The following SCRG1 variants were observed in gnomAD, a reference collection of about 807,000 sequenced individuals.
The protein encoded by SCRG1 is scrapie-responsive protein 1.
In SCRG1, 3 loss-of-function variants were observed where a neutral mutation model predicts 7.7. The observed-to-expected ratio is 0.39, with a 90% CI of 0.18 to 1.01. The LOEUF (loss-of-function observed/expected upper bound fraction) is 1.01. Ranked by LOEUF, SCRG1 falls within the 50% of genes least tolerant of loss-of-function variation. SCRG1 has a pLI of 0.36. For synonymous variants in SCRG1, 46 were observed against 41.2 expected (o/e 1.12, Z -0.44); for missense variants, 110 against 117.2 (o/e 0.94, Z 0.28).
chr4:173,444,295 C>G, the SCRG1 span, among the ~76,000 whole-genome samples: 1 of 152,080 alleles, frequency 6.6e-6, no homozygotes, highest in Non-Finnish European at 1.5e-5. Flanking sequence ...TTTTTTAGAA[C>G]CACTCTATCT....
chr4:173,452,825 A>G, the SCRG1 span, among the ~76,000 whole-genome samples: 1 of 152,206 alleles, frequency 6.6e-6, no homozygotes, highest in Admixed American at 6.5e-5. Context: ...CTTCTTGTGT[A>G]CTTAGAATAT....
At chr4:173,407,420 A>G (rs1739938289), upstream of SCRG1, among the ~76,000 whole-genome samples, 1 of 151,878 alleles carries the variant, frequency 6.6e-6, no homozygotes, top group Non-Finnish European at 1.5e-5. Context: ...CTGTAGTCCC[A>G]GCTACTGGAG....
the SCRG1 span, among the ~76,000 whole-genome samples, chr4:173,436,610 G>A: frequency 5.9e-5 from 9 of 152,042 alleles, no homozygotes; most frequent in African/African-American, 1.5e-4. Flanking sequence ...TTCTCTATGG[G>A]TTCTTTTTTT....
chr4:173,501,272 C>T, the SCRG1 span, among the ~76,000 whole-genome samples: 2 of 152,200 alleles, frequency 1.3e-5, no homozygotes, highest in Non-Finnish European at 2.9e-5. This position sits in a 1 kb window ranked among gnomAD's most constrained non-coding sequence, Gnocchi z 5.1. Flanking sequence ...ACAGTAACAA[C>T]CGTGGCCGAT....
the SCRG1 span, among the ~76,000 whole-genome samples, chr4:173,472,470 C>G: frequency 3.3e-5 from 5 of 152,184 alleles, no homozygotes; most frequent in Non-Finnish European, 5.9e-5. Context: ...GTCCCCAGAT[C>G]TGCAGTCAGA....
chr4:173,473,369 C>A, the SCRG1 span, among the ~76,000 whole-genome samples: 2 of 151,858 alleles, frequency 1.3e-5, no homozygotes, highest in African/African-American at 4.8e-5. Flanking sequence ...TTTTCTCAAT[C>A]TACGAATAGC....
the SCRG1 span, among the ~76,000 whole-genome samples, chr4:173,437,951 A>G: frequency 6.6e-6 from 1 of 152,216 alleles, no homozygotes; most frequent in Non-Finnish European, 1.5e-5. Context: ...AAGGCCTGCT[A>G]TACCACATCA....
At chr4:173,479,431 GTTTGTTTT>G in the SCRG1 span, among the ~76,000 whole-genome samples, 17 of 130,048 alleles carry the variant, frequency 1.3e-4, no homozygotes, top group African/African-American at 3.0e-4. Context: ...TTTTTTGTTT[GTTTGTTTT>G]TTTGTTTTTT....
At chr4:173,513,311 T>A in the SCRG1 span, among the ~76,000 whole-genome samples, 4,266 of 152,254 alleles carry the variant, frequency 0.028, 189 homozygotes, top group African/African-American at 0.09. Flanking sequence ...TTATTCCACA[T>A]TTGTCCCTAT....
At chr4:173,441,459 C>G in the SCRG1 span, among the ~76,000 whole-genome samples, 2 of 152,076 alleles carry the variant, frequency 1.3e-5, no homozygotes, top group East Asian at 3.9e-4. Flanking sequence ...GTAATCCCAC[C>G]CCCTCTGTCC....
the SCRG1 span, among the ~76,000 whole-genome samples, chr4:173,487,595 T>G: frequency 6.6e-6 from 1 of 152,184 alleles, no homozygotes; most frequent in African/African-American, 2.4e-5. Context: ...ATATTATTTT[T>G]CACCTTTTTT....
the SCRG1 span, among the ~76,000 whole-genome samples, chr4:173,465,014 C>T: frequency 2.7e-4 from 41 of 152,108 alleles, 1 homozygote; most frequent in Admixed American, 2.0e-3. Context: ...TGTACAATTC[C>T]ACTTATATCA....
chr4:173,401,414 C>T (rs1222000121), upstream of SCRG1, among the ~76,000 whole-genome samples: 1 of 152,164 alleles, frequency 6.6e-6, no homozygotes, highest in African/African-American at 2.4e-5. Flanking sequence ...GTCCTGTTTA[C>T]CTCAGGTAGA....
chr4:173,510,171 T>A, the SCRG1 span, among the ~76,000 whole-genome samples: 1 of 152,150 alleles, frequency 6.6e-6, no homozygotes, highest in Non-Finnish European at 1.5e-5. The surrounding 1 kb of genome is among the most constrained non-coding windows in gnomAD (Gnocchi z 5.7). Context: ...ATTAAAACGC[T>A]GTCCCCGGGG....
At chr4:173,465,678 A>G in the SCRG1 span, among the ~76,000 whole-genome samples, 1 of 151,484 alleles carries the variant, frequency 6.6e-6, no homozygotes, top group Non-Finnish European at 1.5e-5. Flanking sequence ...ACATACATAT[A>G]TAGATTTTAT....
chr4:173,421,424 G>GT, the SCRG1 span, among the ~76,000 whole-genome samples: 465 of 151,192 alleles, frequency 3.1e-3, 2 homozygotes, highest in African/African-American at 0.011. Context: ...GTTGGGGGGG[G>GT]GTTGATTTGT....
chr4:173,452,445 A>G, the SCRG1 span, among the ~76,000 whole-genome samples: 1 of 152,174 alleles, frequency 6.6e-6, no homozygotes, highest in Non-Finnish European at 1.5e-5. Context: ...GGACCCATGC[A>G]GTTCAAACTT....
At chr4:173,484,114 T>C in the SCRG1 span, among the ~76,000 whole-genome samples, 2 of 78,294 alleles carry the variant, frequency 2.6e-5, no homozygotes, top group East Asian at 3.7e-4. Flanking sequence ...ATATAATATA[T>C]AATATACAAT....
the SCRG1 span, among the ~76,000 whole-genome samples, chr4:173,516,055 T>C: frequency 6.6e-6 from 1 of 152,104 alleles, no homozygotes. Context: ...GCTCTTCATC[T>C]TCCCACTCCC....
Sources: allele counts gnomAD v4.1 joint callset (sites outside exome capture counted in the v4.1 genomes callset), GRCh38; gene constraint gnomAD v4.1.1; non-coding constraint Gnocchi (gnomAD v3.1); transcripts MANE v1.5; gene names NCBI Gene and HGNC (gene_info 2026-07-23, HGNC 2026-07-21).